The following MRPL48 variants were observed in gnomAD, a reference collection of about 807,000 sequenced individuals.
MRPL48 encodes mitochondrial ribosomal protein L48, also known as large ribosomal subunit protein mL48.
Under a neutral mutation model 32.9 loss-of-function variants are expected in MRPL48, and 16 were observed. That is an observed-to-expected ratio of 0.49 (90% CI 0.33 to 0.74). The LOEUF is 0.74. Among genes scored for constraint, MRPL48 ranks in the 30% least tolerant of loss-of-function variants. MRPL48 has a pLI of 0.02. For missense variants in MRPL48, 206 were observed against 245.3 expected, an observed-to-expected ratio of 0.84 and a Z score of 1.07; for synonymous variants, 94 against 89.2, an observed-to-expected ratio of 1.05 and a Z score of -0.31.
chr11:73,847,873 C>G (rs1326107992), intron 5 of MRPL48, among the ~76,000 whole-genome samples: 3 of 152,096 alleles, frequency 2.0e-5, no homozygotes, highest in Non-Finnish European at 4.4e-5. Flanking sequence ...AGTCACTGCA[C>G]CTGGCCACCA....
intron 4 of MRPL48, among the ~76,000 whole-genome samples, chr11:73,836,703 C>T (rs1184900564): frequency 2.6e-5 from 4 of 152,018 alleles, no homozygotes; most frequent in Non-Finnish European, 5.9e-5. Flanking sequence ...TTTTCAGAGC[C>T]GATATTTGGA....
intron 5 of MRPL48, among the ~76,000 whole-genome samples, chr11:73,849,664 T>G (rs1280056301): frequency 6.6e-6 from 1 of 152,182 alleles, no homozygotes; most frequent in African/African-American, 2.4e-5. Context: ...TTGAAGGACA[T>G]TTCTGTTGTT....
chr11:73,838,533 T>C (rs1305392608), intron 4 of MRPL48, among the ~76,000 whole-genome samples: 1 of 152,160 alleles, frequency 6.6e-6, no homozygotes, highest in East Asian at 1.9e-4. Context: ...TCAGAGAAGC[T>C]CCTCCCCTCT....
chr11:73,826,262 C>T (rs1389039530), intron 4 of MRPL48, among the ~76,000 whole-genome samples: 4 of 151,782 alleles, frequency 2.6e-5, no homozygotes, highest in Non-Finnish European at 5.9e-5. Context: ...TCAAGTGATC[C>T]TCCTGCTTCA....
intron 5 of MRPL48, among the ~76,000 whole-genome samples, chr11:73,846,115 C>T (rs1948283202): frequency 1.4e-5 from 2 of 145,114 alleles, no homozygotes; most frequent in African/African-American, 5.1e-5. Flanking sequence ...AACACTGAAA[C>T]TGTACCCATT....
intron 1 of MRPL48, among the ~76,000 whole-genome samples, chr11:73,800,487 GT>G (rs1215551549): frequency 6.6e-6 from 1 of 152,104 alleles, no homozygotes; most frequent in African/African-American, 2.4e-5. Flanking sequence ...TGTGACTTCA[GT>G]TTTTTGGTAG....
At chr11:73,825,314 G>T (rs1947866871) in intron 3 of MRPL48, among the ~76,000 whole-genome samples, 1 of 149,868 alleles carries the variant, frequency 6.7e-6, no homozygotes, top group Non-Finnish European at 1.5e-5. Context: ...GTGTGTGTGT[G>T]TGTGTGTGTA....
chr11:73,829,876 C>G (rs1947961998), intron 4 of MRPL48, among the ~76,000 whole-genome samples: 1 of 151,890 alleles, frequency 6.6e-6, no homozygotes, highest in South Asian at 2.1e-4. Flanking sequence ...ATGATTCTCC[C>G]TCTTCAGCCT....
At chr11:73,861,168 G>A (rs531968522) in intron 6 of MRPL48, among the ~76,000 whole-genome samples, 12 of 152,086 alleles carry the variant, frequency 7.9e-5, no homozygotes, top group Admixed American at 3.9e-4. Context: ...AAATAACTAA[G>A]TACAATCTTT....
chr11:73,864,210 C>T, intron 7 of MRPL48, 86 bp from the exon 8 acceptor site: 1 of 1,212,540 alleles, frequency 8.2e-7, no homozygotes, highest in Non-Finnish European at 1.2e-6. Context: ...AGAGCTGGTT[C>T]AAGGGCCCTT....
rs1477895641 is a variant in MRPL48, at chr11:73,808,313, G to T, written c.75G>T (p.Arg25Ser). ...TIFKQAFSLL[R>S]FRTSGEKPIY... ...GAACATACTTTCTCCCTCCTTTTAG[G>T]TTTAGAACTTCAGGAGAGAAGCCCA... Residue 25 changes from arginine to serine, a missense_variant and splice_region_variant, in exon 3 of 8, where the codon AGG becomes AGT. Transcript: ENST00000310614. The T allele has an allele frequency of 3.5e-5, 57 of 1,606,340 alleles. No homozygotes were observed. The highest frequency in any genetic ancestry group is 4.7e-5 in the Non-Finnish European group (55 of 1,175,622).
At chr11:73,823,410 A>G (rs1947818389) in intron 3 of MRPL48, among the ~76,000 whole-genome samples, 1 of 152,108 alleles carries the variant, frequency 6.6e-6, no homozygotes, top group South Asian at 2.1e-4. Context: ...ACACATACAC[A>G]TGTTATCCTT....
At chr11:73,788,566 CG>C (rs1947092738) in intron 1 of MRPL48, among the ~76,000 whole-genome samples, 2 of 149,394 alleles carry the variant, frequency 1.3e-5, no homozygotes, top group African/African-American at 4.9e-5. Flanking sequence ...CTTCGCCTTC[CG>C]GGTTCAAGCG....
At chr11:73,793,515 C>T (rs1175896827) in intron 1 of MRPL48, among the ~76,000 whole-genome samples, 7 of 152,114 alleles carry the variant, frequency 4.6e-5, no homozygotes, top group East Asian at 3.8e-4. Flanking sequence ...TTCTTGAGGA[C>T]GTTGCATGAC....
chr11:73,798,853 T>C (rs967647001), intron 1 of MRPL48, among the ~76,000 whole-genome samples: 1 of 151,964 alleles, frequency 6.6e-6, no homozygotes, highest in African/African-American at 2.4e-5. Context: ...TATCCGGGTT[T>C]GGTGACAGGC....
At chr11:73,818,214 G>A (rs554453624) in intron 3 of MRPL48, among the ~76,000 whole-genome samples, 3 of 152,200 alleles carry the variant, frequency 2.0e-5, no homozygotes, top group South Asian at 2.1e-4. Context: ...CATCCACTCC[G>A]TGTGTGGGCT....
intron 3 of MRPL48, among the ~76,000 whole-genome samples, chr11:73,824,592 A>G (rs1412969357): frequency 6.6e-6 from 1 of 152,154 alleles, no homozygotes; most frequent in Non-Finnish European, 1.5e-5. Flanking sequence ...CTCAAAAAAA[A>G]AAACAAAAAA....
At chr11:73,846,591 C>T (rs1198637406) in intron 5 of MRPL48, among the ~76,000 whole-genome samples, 2 of 151,950 alleles carry the variant, frequency 1.3e-5, no homozygotes, top group East Asian at 1.9e-4. Flanking sequence ...AACTCCTGAC[C>T]TCAAGTGATC....
intron 4 of MRPL48, among the ~76,000 whole-genome samples, chr11:73,827,511 G>A (rs12269892): frequency 0.08 from 12,106 of 152,210 alleles, 619 homozygotes; most frequent in East Asian, 0.18. Context: ...CTGTGTGTGT[G>A]CAGAGGATTT....
Sources: gnomAD v4.1 joint callset for allele counts (sites outside exome capture counted in the v4.1 genomes callset) on GRCh38, gnomAD v4.1.1 for gene constraint, MANE v1.5 for transcripts, NCBI Gene and HGNC (gene_info 2026-07-23, HGNC 2026-07-21) for gene names.